MAP4K3: variants seen among roughly 807,000 people sequenced by gnomAD.
The protein encoded by MAP4K3 is mitogen-activated protein kinase kinase kinase kinase 3, also known as MAPK/ERK kinase kinase kinase 3.
Under a neutral mutation model 143.5 loss-of-function variants are expected in MAP4K3, and 94 were observed. The observed-to-expected ratio is 0.65, with a 90% CI of 0.55 to 0.78. MAP4K3 has a LOEUF of 0.78. MAP4K3 is among the 30% of genes least tolerant of loss of function. The pLI is 0.00. For missense variants in MAP4K3, 1,077 were observed against 1,068.1 expected, an observed-to-expected ratio of 1.01 and a Z score of -0.12; for synonymous variants, 416 against 347.2, an observed-to-expected ratio of 1.20 and a Z score of -2.20.
chr2:39,408,712 G>A (rs1399414825), intron 1 of MAP4K3, among the ~76,000 whole-genome samples: 1 of 151,356 alleles, frequency 6.6e-6, no homozygotes, highest in African/African-American at 2.4e-5. Context: ...AGAAATTTAA[G>A]AGCTAACAGA....
chr2:39,251,392 C>A (rs1366352718), intron 33 of MAP4K3, among the ~76,000 whole-genome samples: 1 of 152,192 alleles, frequency 6.6e-6, no homozygotes, highest in Non-Finnish European at 1.5e-5. Context: ...CTGCCTTCAG[C>A]CAAATCTTTT....
chr2:39,417,513 C>T (rs1205502054), intron 1 of MAP4K3, among the ~76,000 whole-genome samples: 3 of 151,726 alleles, frequency 2.0e-5, no homozygotes, highest in Admixed American at 6.6e-5. Context: ...CCACCGCACC[C>T]GCCCGAAAGC....
At position 39,396,502 on chromosome 2, in the gene MAP4K3, CAG is replaced by C. The variant is rs1238289734; in HGVS notation, c.97-18381_97-18380del. Among the ~76,000 whole-genome samples the C allele has an allele frequency of 4.9e-5, 7 of 142,266 alleles. No individual in the cohort carries two copies. In the East Asian group the frequency reaches 1.4e-3, roughly 29 times the overall value. 93.3% of individuals were successfully genotyped at this position (142,266 alleles called of 152,430 possible). ...AATTTTTTTTTTTTTTTTTTTTAAG[CAG>C]AGTCTCACTTTGTCGCCCAGGCTGG... On this transcript the variant is annotated intron_variant, in intron 1 of 33. Transcript: ENST00000263881.
chr2:39,283,496 G>C (rs1373354365), intron 21 of MAP4K3, among the ~76,000 whole-genome samples: 1 of 151,364 alleles, frequency 6.6e-6, no homozygotes, highest in Non-Finnish European at 1.5e-5. Context: ...CTATTTGTTG[G>C]AGCTTTTAAA....
Position 39,306,908 on chromosome 2 carries a change from C to G in MAP4K3, c.1119+1035G>C, listed in dbSNP as rs553847634. Among the ~76,000 whole-genome samples the G allele has an allele frequency of 2.6e-5, 4 of 152,356 alleles. No individual in the cohort carries two copies. The East Asian group carries it at 7.7e-4, about 29-fold the overall frequency. On this transcript the variant is annotated intron_variant, in intron 15 of 33. Transcript: ENST00000263881. ...ATTGTATGTTAGCTTCCCTCATCAA[C>G]ACTTGCCACCTGGCAAAATGTTGGC...
At chr2:39,342,120 T>G (rs1346806663) in intron 4 of MAP4K3, among the ~76,000 whole-genome samples, 3 of 19,094 alleles carry the variant, frequency 1.6e-4, no homozygotes, top group Admixed American at 3.1e-4. Context: ...ATTATTATTA[T>G]TATTATTATT....
intron 24 of MAP4K3, among the ~76,000 whole-genome samples, chr2:39,276,239 C>T (rs1681247143): frequency 6.6e-6 from 1 of 152,124 alleles, no homozygotes. Flanking sequence ...CTCAGTATGA[C>T]CAAATTGAAA....
intron 3 of MAP4K3, among the ~76,000 whole-genome samples, chr2:39,344,605 C>T (rs1573178085): frequency 6.6e-6 from 1 of 152,110 alleles, no homozygotes. Flanking sequence ...TACTATGTAT[C>T]CCTTTATAGA....
At chr2:39,321,999 T>C (rs1011316277) in intron 12 of MAP4K3, among the ~76,000 whole-genome samples, 10 of 152,206 alleles carry the variant, frequency 6.6e-5, no homozygotes, top group Non-Finnish European at 1.3e-4. Flanking sequence ...CCTCCATATG[T>C]TGAACGCTGG....
At chr2:39,340,971 T>C (rs796356186) in intron 4 of MAP4K3, among the ~76,000 whole-genome samples, 7 of 152,240 alleles carry the variant, frequency 4.6e-5, no homozygotes, top group African/African-American at 1.7e-4. Flanking sequence ...TAACTAAGAT[T>C]CTAAAGGAGA....
intron 23 of MAP4K3, among the ~76,000 whole-genome samples, chr2:39,279,559 G>A (rs565819344): frequency 3.3e-5 from 5 of 152,168 alleles, no homozygotes; most frequent in African/African-American, 1.2e-4. Flanking sequence ...AAGGACAACT[G>A]TTGTGATTAT....
intron 15 of MAP4K3, among the ~76,000 whole-genome samples, chr2:39,301,024 G>T (rs1682489014): frequency 6.6e-6 from 1 of 152,112 alleles, no homozygotes; most frequent in Non-Finnish European, 1.5e-5. Context: ...GATACACAAA[G>T]CTAATTCTAA....
At chr2:39,275,883 T>G (rs1228185280) in intron 24 of MAP4K3, among the ~76,000 whole-genome samples, 1 of 152,204 alleles carries the variant, frequency 6.6e-6, no homozygotes, top group Admixed American at 6.5e-5. Context: ...TTATTTTTAT[T>G]TTGTTTTGAG....
intron 21 of MAP4K3, among the ~76,000 whole-genome samples, chr2:39,284,425 T>G (rs1189680204): frequency 6.6e-6 from 1 of 152,160 alleles, no homozygotes; most frequent in Admixed American, 6.6e-5. Flanking sequence ...CCTCCCAAAG[T>G]GTACGGATTA....
intron 1 of MAP4K3, among the ~76,000 whole-genome samples, chr2:39,415,764 C>G (rs1326600589): frequency 2.7e-5 from 4 of 150,410 alleles, no homozygotes; most frequent in South Asian, 4.2e-4. Flanking sequence ...CCAGCCTGGC[C>G]AACGTGGTGA....
At chr2:39,343,263 C>T (rs1344704951) in intron 4 of MAP4K3, 125 bp downstream of exon 4, 4 of 583,406 alleles carry the variant, frequency 6.9e-6, no homozygotes, top group Non-Finnish European at 1.2e-5. Flanking sequence ...CTTTATATAG[C>T]CAAACAATAT....
intron 29 of MAP4K3, among the ~76,000 whole-genome samples, chr2:39,259,586 C>T (rs3770674): frequency 0.69 from 104,518 of 152,062 alleles, 39,801 homozygotes; most frequent in Non-Finnish European, 0.84. Flanking sequence ...TGTTAAGTAC[C>T]CAAGTTTTGT....
intron 1 of MAP4K3, among the ~76,000 whole-genome samples, chr2:39,428,179 A>T (rs909236797): frequency 6.6e-6 from 1 of 152,160 alleles, no homozygotes; most frequent in African/African-American, 2.4e-5. Flanking sequence ...TTGTTTCCTT[A>T]TATCAGGGTT....
At chr2:39,302,891 C>A (rs1035162515) in intron 15 of MAP4K3, among the ~76,000 whole-genome samples, 1 of 152,156 alleles carries the variant, frequency 6.6e-6, no homozygotes, top group Non-Finnish European at 1.5e-5. Context: ...TTCAGCAGTT[C>A]ATTTTAGCGA....
Sources: gnomAD v4.1 joint callset for allele counts (sites outside exome capture counted in the v4.1 genomes callset) on GRCh38, gnomAD v4.1.1 for gene constraint, MANE v1.5 for transcripts, NCBI Gene and HGNC (gene_info 2026-07-23, HGNC 2026-07-21) for gene names.